The following CCHCR1 variants were observed in gnomAD, a reference collection of about 807,000 sequenced individuals.
CCHCR1 encodes coiled-coil alpha-helical rod protein 1.
A neutral mutation model predicts 114.6 loss-of-function variants in CCHCR1; 91 were observed. The ratio of observed to expected loss-of-function variants is 0.79; its 90% CI spans 0.67 to 0.94. CCHCR1 has a LOEUF of 0.94. CCHCR1 is among the 40% of genes least tolerant of loss of function. The pLI, the probability that CCHCR1 is intolerant of heterozygous loss-of-function variation, is 0.00. For synonymous variants in CCHCR1, 379 were observed against 428.5 expected (o/e 0.88, Z 1.43); for missense variants, 899 against 1,079.9 (o/e 0.83, Z 2.35).
Position 31,157,718 on chromosome 6 carries a change from C to T in CCHCR1, c.-118G>A. The stretch of plus-strand genomic sequence containing the variant: ...TCCTGCGGCTGTTCTCTCAGCTTCT[C>T]TCTACTATCCCCTTAGCTTCCATGC... On this transcript the variant is annotated 5_prime_UTR_variant, in exon 1 of 18. Coordinates refer to ENST00000396268, the MANE Select transcript of CCHCR1 (RefSeq NM_001105564.2). 1 of 775,148 alleles carries T rather than the reference C, an allele frequency of 1.3e-6. No individual in the cohort carries two copies. The highest frequency in any genetic ancestry group is 1.8e-5 in the South Asian group (1 of 56,484). The allele number at this position is 775,148 out of a possible 1,614,324, so 48.0% of individuals were successfully genotyped here.
Position 31,143,278 on chromosome 6 carries a change from T to C in CCHCR1, c.2303A>G (p.Asp768Gly). 1.2e-6 allele frequency: 2 copies of C among 1,612,774 alleles called. No individual in the cohort carries two copies. The highest frequency in any genetic ancestry group is 1.1e-5 in the South Asian group (1 of 91,080). The change falls in exon 16 of 18, where the codon GAT becomes GGT. Residue 768 changes from aspartate to glycine, a missense_variant. Coordinates refer to ENST00000396268, the MANE Select transcript of CCHCR1 (RefSeq NM_001105564.2). The surrounding 1 kb of genome is among the most constrained non-coding windows in gnomAD (Gnocchi z 5.3). ...LARRLQELER[D>G]KNLMLATLQQ... ...GTCTCCTACCAGCATGAGGTTCTTA[T>C]CCCTCTCTAGCTCCTGCAAGCGCCG...
intron 11 of CCHCR1, 42 bp from the exon 12 acceptor site, chr6:31,145,535 A>C (rs955750946): frequency 6.2e-7 from 1 of 1,603,136 alleles, no homozygotes; most frequent in Non-Finnish European, 8.5e-7. Flanking sequence ...TGAAGTTTGC[A>C]TGGGAGAAAG....
At chr6:31,142,898 G>A in intron 17 of CCHCR1, 65 bp downstream of exon 17, 4 of 1,550,410 alleles carry the variant, frequency 2.6e-6, no homozygotes, top group Non-Finnish European at 3.5e-6. Context: ...TCATGCGAGA[G>A]TCTGAAGAGG....
chr6:31,147,962 A>C (rs1465848917), intron 10 of CCHCR1, among the ~76,000 whole-genome samples: 1 of 152,124 alleles, frequency 6.6e-6, no homozygotes, highest in East Asian at 1.9e-4. Context: ...TGGGTGACAG[A>C]GCGAGACTTT....
In CCHCR1 at chr6:31,151,020, C is replaced by T; in HGVS notation, c.904G>A (p.Gly302Arg). ...GCCTCGGCCAGCTCCTTGGCTTCCC[C>T]TGCTCTTCTGGTTTCCAGACTACTC... ...SLSSLETRRA[G>R]EAKELAEAQR... The change falls in exon 5 of 18, where the codon GGG (glycine) becomes AGG (arginine). Residue 302 changes from glycine (G) to arginine (R), a missense_variant. Transcript: ENST00000396268. This position sits in a 1 kb window ranked among gnomAD's most constrained non-coding sequence, Gnocchi z 4.1. 6.2e-7 allele frequency: 1 copy of T among 1,613,078 alleles called. No individual in the cohort carries two copies.
Position 31,156,774 on chromosome 6 carries a change from G to C in CCHCR1, c.454C>G (p.Arg152Gly). 6.2e-7 allele frequency: 1 copy of C among 1,612,772 alleles called. No individual in the cohort carries two copies. The highest frequency in any genetic ancestry group is 8.5e-7 in the Non-Finnish European group (1 of 1,179,990). Residue 152 changes from arginine (R) to glycine (G), a missense_variant, in exon 3 of 18, where the codon CGG becomes GGG. By Grantham distance (125) the Arg-to-Gly change is moderately radical. Coordinates refer to ENST00000396268, the MANE Select transcript of CCHCR1 (RefSeq NM_001105564.2). ...TQRPQVTMWE[R>G]DVSSDRQEPG... ...TCCTGCCTGTCACTGGAAACATCCC[G>C]TTCCCACATGGTCACTTGAGGTCTC...
chr6:31,151,043 C>T lies in CCHCR1; in HGVS notation c.881G>A (p.Ser294Asn), dbSNP rs769614117. 3 of 1,613,118 alleles carry T rather than the reference C, an allele frequency of 1.9e-6. No homozygotes were observed. In the Admixed American group the frequency reaches 5.0e-5, roughly 27 times the overall value. ...CCCTGCTCTTCTGGTTTCCAGACTACTCAGAGACTTCTCCAAGCCCTCAGC... is the reference window on the plus strand; with the variant it reads ...CCCTGCTCTTCTGGTTTCCAGACTATTCAGAGACTTCTCCAAGCCCTCAGC... ...SKAEGLEKSL[S>N]SLETRRAGEA... Residue 294 changes from serine to asparagine, a missense_variant, in exon 5 of 18, where the codon AGT (serine) becomes AAT (asparagine). Transcript: ENST00000396268. This position sits in a 1 kb window ranked among gnomAD's most constrained non-coding sequence, Gnocchi z 4.1.
Position 31,157,384 on chromosome 6 carries a change from C to CCCT in CCHCR1, c.214_216dup (p.Arg72dup), listed in dbSNP as rs774720727. The CCCT allele has an allele frequency of 2.5e-6, 4 of 1,610,624 alleles. No homozygotes were observed. Among genetic ancestry groups the CCCT allele is most frequent in the Non-Finnish European group, 3.4e-6 (4 of 1,177,924 alleles). On this transcript the variant is annotated inframe_insertion and splice_region_variant. Coordinates refer to ENST00000396268, the MANE Select transcript of CCHCR1 (RefSeq NM_001105564.2). ...TTCAGGATTCTGGGCAGTGCCTCTA[C>CCCT]CCTCCTCCTTAAGTTTCTATGGTCC...
chr6:31,148,282 C>G, intron 10 of CCHCR1, 123 bp downstream of exon 10: 1 of 666,024 alleles, frequency 1.5e-6, no homozygotes, highest in East Asian at 2.6e-5. Context: ...CTAAATCTGC[C>G]CAGCCCTGTA....
At position 31,150,549 on chromosome 6, in the gene CCHCR1, C is replaced by T. The variant is rs769961840; in HGVS notation, c.1118G>A (p.Arg373Gln). Residue 373 changes from arginine (R) to glutamine (Q), a missense_variant, in exon 7 of 18, where the codon CGG becomes CAG. Coordinates refer to ENST00000396268, the MANE Select transcript of CCHCR1 (RefSeq NM_001105564.2). The surrounding 1 kb of genome is among the most constrained non-coding windows in gnomAD (Gnocchi z 5.3). ...CTCCGCGGTGGCATGCAGGCTGTCCCGGTCCTCCTGCAAGTGCTGCGGGCA... is the reference window on the plus strand; with the variant it reads ...CTCCGCGGTGGCATGCAGGCTGTCCTGGTCCTCCTGCAAGTGCTGCGGGCA... Reference protein sequence around the residue: ...LETMQHLQEDRDSLHATAELL... With the variant: ...LETMQHLQEDQDSLHATAELL... The T allele has an allele frequency of 1.3e-5, 21 of 1,611,618 alleles. No individual in the cohort carries two copies. Among genetic ancestry groups the T allele is most frequent in the South Asian group, 5.5e-5 (5 of 91,014 alleles).
chr6:31,152,819 A>G (rs554333954), intron 4 of CCHCR1, among the ~76,000 whole-genome samples: 21 of 152,068 alleles, frequency 1.4e-4, no homozygotes, highest in Non-Finnish European at 2.4e-4. Context: ...TGAAGTGGCC[A>G]AAGCCTTGTG....
At chr6:31,155,105 T>G (rs1323421249) in intron 3 of CCHCR1, among the ~76,000 whole-genome samples, 1 of 152,206 alleles carries the variant, frequency 6.6e-6, no homozygotes, top group Non-Finnish European at 1.5e-5. Flanking sequence ...TGTATATCAT[T>G]AGGCCACACA....
intron 4 of CCHCR1, among the ~76,000 whole-genome samples, chr6:31,153,898 A>G (rs1378265439): frequency 2.0e-5 from 3 of 152,168 alleles, no homozygotes; most frequent in Non-Finnish European, 4.4e-5. Flanking sequence ...TTTCCTTGAC[A>G]TGTCAACTGG....
Position 31,156,872 on chromosome 6 carries a change from G to A in CCHCR1, c.356C>T (p.Thr119Ile). The A allele has an allele frequency of 5.6e-6, 9 of 1,612,992 alleles. No individual in the cohort carries two copies. Among genetic ancestry groups the A allele is most frequent in the Non-Finnish European group, 7.6e-6 (9 of 1,180,034 alleles). The change falls in exon 3 of 18, where the codon ACC (threonine) becomes ATC (isoleucine). Residue 119 changes from threonine to isoleucine, a missense_variant. Transcript: ENST00000396268. ...PLSTLPRMAP[T>I]WLSDIPLVQP... ...GACCAGGGGAATGTCTGAGAGCCAGGTGGGAGCCATTCTTGGCAGAGTTGA... is the reference window on the plus strand; with the variant it reads ...GACCAGGGGAATGTCTGAGAGCCAGATGGGAGCCATTCTTGGCAGAGTTGA...
rs756252094 is a variant in CCHCR1 at position 31,144,891 on chromosome 6, C to T, written c.2059G>A (p.Gly687Arg). The stretch of plus-strand genomic sequence containing the variant: ...CCCATTTCCCTCTCGACACCTTGCC[C>T]GTAGAGTTCCTGCTGCTGGGTCAGC... ...QELTQQQELY[G>R]QALQEKVAEV... Residue 687 changes from glycine (G) to arginine (R), a missense_variant, in exon 14 of 18, where the codon GGG (glycine) becomes AGG (arginine). Transcript: ENST00000396268. The surrounding 1 kb of genome is among the most constrained non-coding windows in gnomAD (Gnocchi z 4.6). 8 of 1,613,446 alleles carry T rather than the reference C, an allele frequency of 5.0e-6. No individual in the cohort carries two copies. The highest frequency in any genetic ancestry group is 1.6e-4 in the Middle Eastern group (1 of 6,084).
chr6:31,144,777 T>G lies in CCHCR1; in HGVS notation c.2077A>C (p.Lys693Gln), dbSNP rs1201765943. The change falls in exon 15 of 18, where the codon AAG becomes CAG. Residue 693 changes from lysine to glutamine, a missense_variant. Physicochemically the swap from Lys to Gln is moderately conservative, Grantham distance 53. Transcript: ENST00000396268. The surrounding 1 kb of genome is among the most constrained non-coding windows in gnomAD (Gnocchi z 4.6). ...AGCCGAGTTTCCACTTCAGCCACCTTTTCTTGCAGGGCTGGGGTGAAAGTG... is the reference window on the plus strand; with the variant it reads ...AGCCGAGTTTCCACTTCAGCCACCTGTTCTTGCAGGGCTGGGGTGAAAGTG... ...QELYGQALQEKVAEVETRLRE... is the reference protein window; with the variant it reads ...QELYGQALQEQVAEVETRLRE... 1.2e-6 allele frequency: 2 copies of G among 1,613,860 alleles called. No individual in the cohort carries two copies. Among genetic ancestry groups the G allele is most frequent in the Non-Finnish European group, 1.7e-6 (2 of 1,179,928 alleles).
rs1156562931 is a variant in CCHCR1 at position 31,145,145 on chromosome 6, C to A, written c.1876+21G>T. ...ACCGGGTTTTTCCTCATCCTCTCCA[C>A]CCCCTGGCAACCAGGTGTACCTTGC... is the stretch of plus-strand genomic sequence containing the variant. On this transcript the variant is annotated intron_variant, in intron 13 of 17. Coordinates refer to ENST00000396268, the MANE Select transcript of CCHCR1 (RefSeq NM_001105564.2). The A allele has an allele frequency of 5.0e-6, 8 of 1,610,710 alleles. No individual in the cohort carries two copies. The South Asian group carries it at 8.8e-5, about 18-fold the overall frequency.
rs1775037384 is a variant in CCHCR1 at position 31,150,403 on chromosome 6, C to T, written c.1212+52G>A. The T allele has an allele frequency of 6.7e-7, 1 of 1,491,170 alleles. No homozygotes were observed. The highest frequency in any genetic ancestry group is 9.3e-7 in the Non-Finnish European group (1 of 1,076,072). 92.4% of individuals were successfully genotyped at this position (1,491,170 alleles called of 1,614,324 possible). Reference sequence around the variant, plus strand: ...TGCCCACAGGGAGGGAGGCAGGGGACAGTAGATGCAGGATGCGGCTGAGGG... The same window carrying T: ...TGCCCACAGGGAGGGAGGCAGGGGATAGTAGATGCAGGATGCGGCTGAGGG... On this transcript the variant is annotated intron_variant, in intron 7 of 17. Transcript: ENST00000396268. The surrounding 1 kb of genome is among the most constrained non-coding windows in gnomAD (Gnocchi z 5.3).
At chr6:31,152,673 G>A (rs186083059) in intron 4 of CCHCR1, among the ~76,000 whole-genome samples, 33 of 152,154 alleles carry the variant, frequency 2.2e-4, no homozygotes, top group Non-Finnish European at 3.2e-4. Flanking sequence ...TGGGGGTCTC[G>A]CTTTGTTGCC....
Sources: allele counts gnomAD v4.1 joint callset (sites outside exome capture counted in the v4.1 genomes callset), GRCh38; gene constraint gnomAD v4.1.1; non-coding constraint Gnocchi (gnomAD v3.1); transcripts MANE v1.5; gene names NCBI Gene and HGNC (gene_info 2026-07-23, HGNC 2026-07-21).